TMEM30A: variants seen among roughly 807,000 people sequenced by gnomAD.
TMEM30A encodes the protein cell division cycle 50 P4-ATPase accessory subunit A.
A neutral mutation model predicts 38.2 loss-of-function variants in TMEM30A; 24 were observed. That is an observed-to-expected ratio of 0.63 (90% CI 0.46 to 0.88). TMEM30A has a LOEUF of 0.88. TMEM30A is among the 40% of genes least tolerant of loss of function. The probability of loss-of-function intolerance (pLI) is 0.00; values close to 1 mark genes in which losing one functional copy is unlikely to be tolerated. For synonymous variants in TMEM30A, 145 were observed against 161.6 expected, an observed-to-expected ratio of 0.90 and a Z score of 0.78; for missense variants, 370 against 458.6, an observed-to-expected ratio of 0.81 and a Z score of 1.77.
At position 75,256,303 on chromosome 6, in the gene TMEM30A, G is replaced by C. The variant is rs746522980; in HGVS notation, c.893-8C>G. 2.1e-5 allele frequency: 33 copies of C among 1,584,178 alleles called. No homozygotes were observed. Among genetic ancestry groups the C allele is most frequent in the African/African-American group, 2.7e-5 (2 of 73,662 alleles). ...AATAATGTACAGGGTAATCTGAAGA[G>C]GGTATAGGAAGATTTTTCCATCTCT... On this transcript the variant is annotated splice_region_variant and splice_polypyrimidine_tract_variant and intron_variant, in intron 6 of 6. Transcript: ENST00000230461.
chr6:75,274,804 A>G (rs1772231975), intron 1 of TMEM30A, among the ~76,000 whole-genome samples: 1 of 152,070 alleles, frequency 6.6e-6, no homozygotes, highest in Non-Finnish European at 1.5e-5. Flanking sequence ...CGAGCGGATC[A>G]TGAGGTCAGG....
At chr6:75,258,721 G>C in intron 6 of TMEM30A, 59 bp downstream of exon 6, 1 of 1,472,522 alleles carries the variant, frequency 6.8e-7, no homozygotes, top group Non-Finnish European at 9.4e-7. Context: ...ACAGATATAA[G>C]GTTGGACTCG....
intron 1 of TMEM30A, among the ~76,000 whole-genome samples, chr6:75,278,743 G>A (rs545961075): frequency 5.9e-5 from 9 of 152,034 alleles, no homozygotes; most frequent in African/African-American, 1.4e-4. Flanking sequence ...CACTTCCCTC[G>A]TTTAATATAT....
intron 2 of TMEM30A, 31 bp downstream of exon 2, chr6:75,267,610 C>T (rs761048120): frequency 2.0e-6 from 3 of 1,508,566 alleles, no homozygotes; most frequent in East Asian, 4.5e-5. Context: ...TAAAGCATGG[C>T]TTTTCTAGCA....
intron 1 of TMEM30A, among the ~76,000 whole-genome samples, chr6:75,269,989 G>A (rs140764815): frequency 0.011 from 1,665 of 151,812 alleles, 28 homozygotes; most frequent in African/African-American, 0.037. Flanking sequence ...CACCGCGCCC[G>A]GCCCCATTAT....
intron 1 of TMEM30A, among the ~76,000 whole-genome samples, chr6:75,280,148 A>G (rs1185532317): frequency 6.6e-6 from 1 of 152,212 alleles, no homozygotes; most frequent in Non-Finnish European, 1.5e-5. Flanking sequence ...GGTAAATTTT[A>G]TATCTACTAA....
At chr6:75,274,536 A>C (rs1772227757) in intron 1 of TMEM30A, among the ~76,000 whole-genome samples, 1 of 152,238 alleles carries the variant, frequency 6.6e-6, no homozygotes, top group Non-Finnish European at 1.5e-5. Context: ...AAACTAATAA[A>C]GTGGCAGCAG....
chr6:75,260,428 A>C (rs13209631), intron 4 of TMEM30A, among the ~76,000 whole-genome samples: 4 of 152,250 alleles, frequency 2.6e-5, no homozygotes, highest in African/African-American at 4.8e-5. Flanking sequence ...AGGAAAAAAA[A>C]AAAAAGACAG....
chr6:75,260,164 G>A (rs769809878), intron 4 of TMEM30A, among the ~76,000 whole-genome samples: 1 of 152,128 alleles, frequency 6.6e-6, no homozygotes, highest in Non-Finnish European at 1.5e-5. Flanking sequence ...CCAGCAACTT[G>A]GGAGGCCGAA....
At chr6:75,263,706 G>C (rs543010156) in intron 3 of TMEM30A, among the ~76,000 whole-genome samples, 145 of 152,292 alleles carry the variant, frequency 9.5e-4, no homozygotes, top group African/African-American at 3.4e-3. Flanking sequence ...GGGCAGCCAG[G>C]CCTTGTTTAA....
intron 1 of TMEM30A, 84 bp downstream of exon 1, chr6:75,284,318 T>C: frequency 7.4e-7 from 1 of 1,351,130 alleles, no homozygotes; most frequent in Non-Finnish European, 1.1e-6. Flanking sequence ...AACTGGATTC[T>C]GGGCGCTGGG....
At chr6:75,280,085 CTGAT>C (rs372069077) in intron 1 of TMEM30A, among the ~76,000 whole-genome samples, 141 of 152,216 alleles carry the variant, frequency 9.3e-4, no homozygotes, top group African/African-American at 3.2e-3. Flanking sequence ...TTTAGGCTGC[CTGAT>C]TGTCTGTGAC....
At chr6:75,263,634 T>C (rs1304096619) in intron 3 of TMEM30A, among the ~76,000 whole-genome samples, 1 of 152,202 alleles carries the variant, frequency 6.6e-6, no homozygotes, top group Non-Finnish European at 1.5e-5. Flanking sequence ...AAATGCTAAC[T>C]GGCAAAATGA....
chr6:75,272,149 A>T (rs1407989971), intron 1 of TMEM30A, among the ~76,000 whole-genome samples: 1 of 152,264 alleles, frequency 6.6e-6, no homozygotes, highest in African/African-American at 2.4e-5. Context: ...TATTGAATGT[A>T]TACTAAGTGC....
intron 1 of TMEM30A, among the ~76,000 whole-genome samples, chr6:75,270,937 A>G (rs1187615735): frequency 6.6e-6 from 1 of 152,226 alleles, no homozygotes; most frequent in Non-Finnish European, 1.5e-5. Flanking sequence ...CCAAACGAAG[A>G]GAGGCAAAGC....
intron 3 of TMEM30A, among the ~76,000 whole-genome samples, chr6:75,261,867 A>T (rs1222968329): frequency 6.6e-6 from 1 of 151,990 alleles, no homozygotes; most frequent in Non-Finnish European, 1.5e-5. Context: ...TCAATATTTG[A>T]CTTCTCAGCT....
intron 2 of TMEM30A, among the ~76,000 whole-genome samples, chr6:75,267,368 C>T (rs1368042217): frequency 6.6e-6 from 1 of 152,080 alleles, no homozygotes; most frequent in African/African-American, 2.4e-5. Context: ...TTGATTCGTA[C>T]AGTCATAACA....
rs1437221175 is a variant in TMEM30A at position 75,256,007 on chromosome 6, A to C, written c.*95T>G. 1.2e-6 allele frequency: 1 copy of C among 867,384 alleles called. No individual in the cohort carries two copies. Among genetic ancestry groups the C allele is most frequent in the Non-Finnish European group, 1.7e-6 (1 of 585,566 alleles). The allele number at this position is 867,384 out of a possible 1,614,324, so 53.7% of individuals were successfully genotyped here. A position where few individuals can be genotyped will look rare whatever the true frequency, so the allele number is the denominator to read the frequency against. On this transcript the variant is annotated 3_prime_UTR_variant, in exon 7 of 7. Transcript: ENST00000230461. ...TTAGAAAAGTTATGTGCCAACTTCA[A>C]AATGACATACTAACCAGATATCAGC... is the stretch of plus-strand genomic sequence containing the variant.
At chr6:75,275,554 T>C (rs373143212) in intron 1 of TMEM30A, among the ~76,000 whole-genome samples, 5 of 152,198 alleles carry the variant, frequency 3.3e-5, no homozygotes, top group Middle Eastern at 3.2e-3. Context: ...TCCTTCCAGC[T>C]ACAAATCAAA....
Sources: gnomAD v4.1 joint callset for allele counts (sites outside exome capture counted in the v4.1 genomes callset) on GRCh38, gnomAD v4.1.1 for gene constraint, MANE v1.5 for transcripts, NCBI Gene and HGNC (gene_info 2026-07-23, HGNC 2026-07-21) for gene names.